The following OR51B5 variants were observed in gnomAD, a reference collection of about 807,000 sequenced individuals.
OR51B5 encodes the protein olfactory receptor 51B5.
For missense variants in OR51B5, 456 were observed against 374.6 expected, an observed-to-expected ratio of 1.22 and a Z score of -1.79; for synonymous variants, 186 against 144.8, an observed-to-expected ratio of 1.28 and a Z score of -2.04.
At chr11:5,431,287 A>G (rs1254085097) in intron 1 of OR51B5, 1 of 313,018 alleles carries the variant, frequency 3.2e-6, no homozygotes, top group Non-Finnish European at 6.3e-6. Flanking sequence ...GAAGGTGTGA[A>G]TGAAGAACAT....
At chr11:5,448,972 G>A (rs1316555842) in intron 1 of OR51B5, among the ~76,000 whole-genome samples, 1 of 152,164 alleles carries the variant, frequency 6.6e-6, no homozygotes, top group African/African-American at 2.4e-5. Context: ...TATTTAAAGA[G>A]ACAAGAAGAG....
intron 1 of OR51B5, among the ~76,000 whole-genome samples, chr11:5,408,289 A>C (rs915584479): frequency 6.6e-6 from 1 of 151,932 alleles, no homozygotes; most frequent in African/African-American, 2.4e-5. Context: ...ATTTTATCCC[A>C]TGTATTAGGA....
upstream of OR51B5, chr11:5,346,224 C>T (rs1848988307): frequency 7.4e-6 from 1 of 135,846 alleles, no homozygotes; most frequent in African/African-American, 2.5e-5. Flanking sequence ...CTTAAAGTTT[C>T]CTCCTTCTCC....
chr11:5,403,809 A>G (rs1334004895), intron 1 of OR51B5, among the ~76,000 whole-genome samples: 3 of 152,126 alleles, frequency 2.0e-5, no homozygotes, highest in Non-Finnish European at 4.4e-5. Context: ...CTGGAGCAGG[A>G]ATGCAGAAAA....
At chr11:5,359,769 C>T (rs2133696368) in intron 1 of OR51B5, among the ~76,000 whole-genome samples, 2 of 151,586 alleles carry the variant, frequency 1.3e-5, no homozygotes, top group South Asian at 4.2e-4. Flanking sequence ...GTAACCAAAA[C>T]AGCATGGTAC....
At chr11:5,355,759 A>T (rs1474988878) in intron 1 of OR51B5, among the ~76,000 whole-genome samples, 3 of 35,138 alleles carry the variant, frequency 8.5e-5, no homozygotes, top group African/African-American at 1.9e-4. Context: ...TACCTTTAAA[A>T]ATTAAAAAAA....
chr11:5,425,527 GT>G (rs1398402986), intron 1 of OR51B5, among the ~76,000 whole-genome samples: 1 of 152,128 alleles, frequency 6.6e-6, no homozygotes, highest in East Asian at 1.9e-4. Flanking sequence ...GCATGTGTGT[GT>G]GGCGAGGGGA....
intron 1 of OR51B5, chr11:5,390,036 TGGTGG>T: frequency 6.2e-7 from 1 of 1,613,642 alleles, no homozygotes; most frequent in South Asian, 1.1e-5. Flanking sequence ...TATGGACTGA[TGGTGG>T]TAGTTTTCAC....
chr11:5,478,209 C>T (rs534571463), intron 1 of OR51B5, among the ~76,000 whole-genome samples: 35 of 152,146 alleles, frequency 2.3e-4, no homozygotes, highest in Non-Finnish European at 4.0e-4. Flanking sequence ...GACCCCTGAA[C>T]CCCGAGCAGC....
At chr11:5,425,455 TTTG>T (rs1286454539) in intron 1 of OR51B5, among the ~76,000 whole-genome samples, 26 of 152,332 alleles carry the variant, frequency 1.7e-4, no homozygotes, top group African/African-American at 6.3e-4. Context: ...TGCTTCATTA[TTTG>T]TTGTTCTCCC....
chr11:5,489,516 C>G, intron 1 of OR51B5: 4 of 1,614,054 alleles, frequency 2.5e-6, no homozygotes, highest in Non-Finnish European at 3.4e-6. Context: ...TTGGTCACCA[C>G]GAAGTCCCCA....
chr11:5,457,188 G>A (rs1054459918), intron 1 of OR51B5, among the ~76,000 whole-genome samples: 1 of 152,168 alleles, frequency 6.6e-6, no homozygotes, highest in Non-Finnish European at 1.5e-5. Flanking sequence ...TTGTGTCCAT[G>A]TGTATTCAAA....
intron 1 of OR51B5, among the ~76,000 whole-genome samples, chr11:5,416,655 C>A (rs970347220): frequency 2.1e-5 from 3 of 146,100 alleles, no homozygotes; most frequent in African/African-American, 7.6e-5. Context: ...AGAGCCAAAT[C>A]ATGAGTGAAC....
chr11:5,505,422 G>A (rs747854060), intron 1 of OR51B5: 1 of 1,303,978 alleles, frequency 7.7e-7, no homozygotes, highest in African/African-American at 1.5e-5. Context: ...TAAACAATAG[G>A]TTTTTCTTTA....
intron 1 of OR51B5, among the ~76,000 whole-genome samples, chr11:5,435,606 AGTATCTGAGGTTTCCATG>A: frequency 6.6e-6 from 1 of 152,216 alleles, no homozygotes; most frequent in East Asian, 1.9e-4. Context: ...CTGAATAAAT[AGTATCTGAGGTTTCCATG>A]GTGATATCCT....
chr11:5,447,580 G>A (rs146282822), intron 1 of OR51B5, among the ~76,000 whole-genome samples: 115 of 150,412 alleles, frequency 7.6e-4, no homozygotes, highest in African/African-American at 2.7e-3. Flanking sequence ...TGTTATCACC[G>A]CTCAGTCTCA....
chr11:5,341,897 T>A (rs967629693), downstream of OR51B5, among the ~76,000 whole-genome samples: 6 of 152,206 alleles, frequency 3.9e-5, no homozygotes, highest in African/African-American at 1.4e-4. Context: ...CTACGTCCTC[T>A]CATTTATCCG....
chr11:5,362,244 G>A (rs1172346272), intron 1 of OR51B5, among the ~76,000 whole-genome samples: 2 of 152,158 alleles, frequency 1.3e-5, no homozygotes, highest in African/African-American at 4.8e-5. Flanking sequence ...TCGGGGGATG[G>A]GAGTAGATAA....
chr11:5,421,573 T>C (rs1368556661), intron 1 of OR51B5, among the ~76,000 whole-genome samples: 1 of 152,214 alleles, frequency 6.6e-6, no homozygotes, highest in East Asian at 1.9e-4. Context: ...TTTCCAGTTA[T>C]TTTTTATGTC....
Sources: gnomAD v4.1 joint callset for allele counts (sites outside exome capture counted in the v4.1 genomes callset) on GRCh38, gnomAD v4.1.1 for gene constraint, MANE v1.5 for transcripts, NCBI Gene and HGNC (gene_info 2026-07-23, HGNC 2026-07-21) for gene names.